The following NAALADL2 variants were observed in gnomAD, a reference collection of about 807,000 sequenced individuals.
The protein encoded by NAALADL2 is N-acetylated alpha-linked acidic dipeptidase like 2.
In NAALADL2, 76 loss-of-function variants were observed where a neutral mutation model predicts 87.2. That is an observed-to-expected ratio of 0.87 (90% CI 0.72 to 1.05). The LOEUF (loss-of-function observed/expected upper bound fraction) is 1.05, where lower values mean the gene tolerates loss of function less well. NAALADL2 is among the 50% of genes least tolerant of loss of function. NAALADL2 has a pLI of 0.00. For synonymous variants in NAALADL2, 354 were observed against 331.0 expected (o/e 1.07, Z -0.75); for missense variants, 1,089 against 945.8 (o/e 1.15, Z -1.99).
intron 2 of NAALADL2, among the ~76,000 whole-genome samples, chr3:175,138,048 T>A (rs1468340318): frequency 6.6e-6 from 1 of 152,206 alleles, no homozygotes; most frequent in African/African-American, 2.4e-5. Flanking sequence ...CTTCAAAGGC[T>A]GGCCATGGGG....
chr3:175,562,815 A>G (rs949612676), intron 9 of NAALADL2, among the ~76,000 whole-genome samples: 3 of 151,922 alleles, frequency 2.0e-5, no homozygotes, highest in East Asian at 1.9e-4. Context: ...CTATTCTTAT[A>G]TTGTGTAAGG....
intron 1 of NAALADL2, among the ~76,000 whole-genome samples, chr3:175,063,258 T>C (rs1392350106): frequency 6.6e-6 from 1 of 152,202 alleles, no homozygotes; most frequent in East Asian, 1.9e-4. Context: ...AACATTTTTA[T>C]CGCTTGTTAG....
At chr3:174,477,034 GA>G (rs974322740) in intron 1 of NAALADL2, among the ~76,000 whole-genome samples, 3 of 151,538 alleles carry the variant, frequency 2.0e-5, no homozygotes, top group Non-Finnish European at 4.4e-5. Flanking sequence ...GAAAATTAAA[GA>G]AAAGCCAGGT....
chr3:174,650,501 C>T (rs915496173), intron 2 of NAALADL2, among the ~76,000 whole-genome samples: 1 of 152,038 alleles, frequency 6.6e-6, no homozygotes, highest in African/African-American at 2.4e-5. Flanking sequence ...GCTGTGTCAA[C>T]GTCTATTTAC....
intron 11 of NAALADL2, among the ~76,000 whole-genome samples, chr3:175,667,734 T>C (rs967564458): frequency 1.4e-5 from 2 of 147,350 alleles, no homozygotes; most frequent in Admixed American, 6.6e-5. Flanking sequence ...TATCTGTGTG[T>C]TTTTTGCTGT....
chr3:175,788,252 T>G (rs866881914), intron 13 of NAALADL2, among the ~76,000 whole-genome samples: 2 of 151,712 alleles, frequency 1.3e-5, no homozygotes, highest in Admixed American at 6.6e-5. Context: ...GCCACTATGC[T>G]CAACTAATTT....
intron 5 of NAALADL2, among the ~76,000 whole-genome samples, chr3:175,382,316 G>A (rs541058163): frequency 6.6e-6 from 1 of 152,162 alleles, no homozygotes; most frequent in South Asian, 2.1e-4. Context: ...CACATGCCTG[G>A]TGGTCTGAGG....
chr3:175,324,733 A>G (rs2110441182), intron 5 of NAALADL2, among the ~76,000 whole-genome samples: 1 of 152,314 alleles, frequency 6.6e-6, no homozygotes, highest in East Asian at 1.9e-4. Context: ...TTAGAGGTAC[A>G]TATGATCAAG....
intron 3 of NAALADL2, among the ~76,000 whole-genome samples, chr3:174,807,210 T>A (rs1369544910): frequency 1.3e-5 from 2 of 150,646 alleles, no homozygotes; most frequent in Admixed American, 6.6e-5. Context: ...ACCACCCAAC[T>A]TTTTTTTCTT....
At chr3:174,568,146 A>C (rs1714506728) in intron 2 of NAALADL2, among the ~76,000 whole-genome samples, 1 of 151,750 alleles carries the variant, frequency 6.6e-6, no homozygotes, top group Admixed American at 6.6e-5. Flanking sequence ...GTTTGGATTT[A>C]TTGTTCGCAG....
chr3:175,173,709 T>C (rs1735231172), intron 2 of NAALADL2, among the ~76,000 whole-genome samples: 1 of 152,220 alleles, frequency 6.6e-6, no homozygotes, highest in East Asian at 1.9e-4. Context: ...TCTGTTTAGC[T>C]TTCCTTTTAT....
chr3:175,139,275 TA>T (rs1729629397), intron 2 of NAALADL2, among the ~76,000 whole-genome samples: 1 of 151,832 alleles, frequency 6.6e-6, no homozygotes, highest in Admixed American at 6.6e-5. Flanking sequence ...CTGGAAATCA[TA>T]AAAAAATAAA....
intron 2 of NAALADL2, among the ~76,000 whole-genome samples, chr3:175,220,119 C>G (rs139636278): frequency 6.6e-6 from 1 of 150,970 alleles, no homozygotes; most frequent in Non-Finnish European, 1.5e-5. Context: ...TATATAAATA[C>G]AATTTATAAA....
intron 1 of NAALADL2, among the ~76,000 whole-genome samples, chr3:174,887,528 C>T (rs1431833329): frequency 6.6e-6 from 1 of 152,094 alleles, no homozygotes; most frequent in Non-Finnish European, 1.5e-5. Context: ...GTCATGGTGG[C>T]TCACATCCAT....
At chr3:175,391,286 A>G (rs1157234743) in intron 5 of NAALADL2, among the ~76,000 whole-genome samples, 1 of 152,172 alleles carries the variant, frequency 6.6e-6, no homozygotes, top group Non-Finnish European at 1.5e-5. Context: ...TGTACTTGCC[A>G]CCCTTGATTG....
At chr3:175,154,957 A>C (rs1732085703) in intron 2 of NAALADL2, among the ~76,000 whole-genome samples, 1 of 152,198 alleles carries the variant, frequency 6.6e-6, no homozygotes, top group Non-Finnish European at 1.5e-5. Context: ...TTAAATACAA[A>C]GGGAGAAAAT....
intron 2 of NAALADL2, among the ~76,000 whole-genome samples, chr3:174,589,182 C>T (rs541779869): frequency 1.6e-4 from 24 of 152,268 alleles, no homozygotes; most frequent in African/African-American, 2.4e-4. Context: ...GAGCCAGGTG[C>T]GGGATATAAT....
intron 13 of NAALADL2, among the ~76,000 whole-genome samples, chr3:175,801,111 A>T (rs1369491620): frequency 1.3e-5 from 2 of 152,248 alleles, no homozygotes; most frequent in Admixed American, 6.5e-5. Flanking sequence ...AAAAGTATAA[A>T]TTAATAAATT....
intron 3 of NAALADL2, among the ~76,000 whole-genome samples, chr3:174,762,571 A>T (rs1329272187): frequency 1.3e-5 from 2 of 151,816 alleles, no homozygotes; most frequent in African/African-American, 4.8e-5. Context: ...AATCCCAGCT[A>T]TTTATGGAAA....
Sources: gnomAD v4.1 joint callset for allele counts (sites outside exome capture counted in the v4.1 genomes callset) on GRCh38, gnomAD v4.1.1 for gene constraint, MANE v1.5 for transcripts, NCBI Gene and HGNC (gene_info 2026-07-23, HGNC 2026-07-21) for gene names.